AFG2A: variants seen among roughly 807,000 people sequenced by gnomAD.
AFG2A encodes ATPase family gene 2 protein homolog A.
chr4:123,169,621 G>A, the AFG2A span, among the ~76,000 whole-genome samples: 1 of 152,140 alleles, frequency 6.6e-6, no homozygotes, highest in South Asian at 2.1e-4. Context: ...TGGGATTACA[G>A]GCGTGTGCCA....
At chr4:123,063,487 C>T in the AFG2A span, among the ~76,000 whole-genome samples, 4 of 152,282 alleles carry the variant, frequency 2.6e-5, no homozygotes, top group Middle Eastern at 3.4e-3. Context: ...TGGCTCACAC[C>T]TGTAATCCCA....
At chr4:123,169,203 A>AT in the AFG2A span, among the ~76,000 whole-genome samples, 2 of 152,126 alleles carry the variant, frequency 1.3e-5, no homozygotes, top group Non-Finnish European at 1.5e-5. Context: ...ATAGTTTTCC[A>AT]TTTTTTTGCT....
At chr4:123,067,858 A>G in the AFG2A span, among the ~76,000 whole-genome samples, 30 of 152,286 alleles carry the variant, frequency 2.0e-4, no homozygotes, top group African/African-American at 7.2e-4. Flanking sequence ...CTCTGTTGCT[A>G]TAGTACAAAA....
At chr4:123,043,428 T>C in the AFG2A span, among the ~76,000 whole-genome samples, 1 of 152,142 alleles carries the variant, frequency 6.6e-6, no homozygotes, top group Non-Finnish European at 1.5e-5. Flanking sequence ...TCTTCCACTT[T>C]TTTTTCCTGA....
At chr4:123,114,525 T>C in the AFG2A span, among the ~76,000 whole-genome samples, 5 of 152,280 alleles carry the variant, frequency 3.3e-5, no homozygotes, top group African/African-American at 1.2e-4. Flanking sequence ...CAGTGCTGCC[T>C]GGAGCAGCAC....
At chr4:123,000,115 T>C in the AFG2A span, among the ~76,000 whole-genome samples, 89,726 of 145,132 alleles carry the variant, frequency 0.62, 27,891 homozygotes, top group Non-Finnish European at 0.64. Flanking sequence ...TGTCTGTTAT[T>C]GGTGTATAAG....
At chr4:123,233,279 GCACACACACA>G in the AFG2A span, among the ~76,000 whole-genome samples, 2 of 147,014 alleles carry the variant, frequency 1.4e-5, no homozygotes, top group Non-Finnish European at 3.0e-5. Context: ...ACACACACAC[GCACACACACA>G]CACACACACA....
chr4:123,018,891 T>C, the AFG2A span, among the ~76,000 whole-genome samples: 1 of 151,982 alleles, frequency 6.6e-6, no homozygotes, highest in Non-Finnish European at 1.5e-5. Context: ...TGTGAATTAT[T>C]ATCATAGCCA....
the AFG2A span, among the ~76,000 whole-genome samples, chr4:123,260,787 G>A: frequency 2.0e-5 from 3 of 152,188 alleles, no homozygotes; most frequent in Non-Finnish European, 4.4e-5. Context: ...TTGTTAGAAA[G>A]CAGCTAGCAG....
At chr4:123,296,666 G>A in the AFG2A span, among the ~76,000 whole-genome samples, 1 of 151,830 alleles carries the variant, frequency 6.6e-6, no homozygotes, top group African/African-American at 2.4e-5. Flanking sequence ...TTGGTCATGA[G>A]TTGGTCATTG....
the AFG2A span, among the ~76,000 whole-genome samples, chr4:123,065,815 G>GA: frequency 4.0e-5 from 6 of 151,682 alleles, no homozygotes; most frequent in Admixed American, 3.3e-4. Flanking sequence ...TTTAAAATAT[G>GA]AAAAAAAATT....
the AFG2A span, among the ~76,000 whole-genome samples, chr4:122,942,900 G>T: frequency 6.6e-6 from 1 of 151,652 alleles, no homozygotes; most frequent in Non-Finnish European, 1.5e-5. Context: ...GTACCCAGTA[G>T]TCATTCAGGA....
the AFG2A span, among the ~76,000 whole-genome samples, chr4:123,007,355 C>T: frequency 6.6e-6 from 1 of 151,718 alleles, no homozygotes; most frequent in South Asian, 2.1e-4. Flanking sequence ...TTATTTGCTC[C>T]ATTCTTTTTA....
chr4:123,279,622 G>A, the AFG2A span, among the ~76,000 whole-genome samples: 2 of 152,110 alleles, frequency 1.3e-5, no homozygotes, highest in African/African-American at 4.8e-5. Flanking sequence ...TAGGGTCATT[G>A]TGAAGATTAA....
At chr4:123,268,825 A>C in the AFG2A span, among the ~76,000 whole-genome samples, 1 of 152,372 alleles carries the variant, frequency 6.6e-6, no homozygotes. Flanking sequence ...CGTTCAGCAC[A>C]TGAGAATAGT....
the AFG2A span, among the ~76,000 whole-genome samples, chr4:122,927,407 A>G: frequency 6.6e-6 from 1 of 152,158 alleles, no homozygotes; most frequent in Admixed American, 6.6e-5. Flanking sequence ...CACCCCATAA[A>G]ACATCTTCTT....
chr4:123,281,399 G>A, the AFG2A span, among the ~76,000 whole-genome samples: 7 of 152,108 alleles, frequency 4.6e-5, no homozygotes, highest in Admixed American at 3.3e-4. Flanking sequence ...GACATTTGGG[G>A]TATTAAACCT....
chr4:123,001,572 A>G, the AFG2A span, among the ~76,000 whole-genome samples: 1 of 151,596 alleles, frequency 6.6e-6, no homozygotes, highest in Non-Finnish European at 1.5e-5. Flanking sequence ...CCCAGTAGTC[A>G]TTCAGGAGCA....
At chr4:123,012,810 AAAATTGGTGAGATGTTCCTTGGG>A in the AFG2A span, among the ~76,000 whole-genome samples, 4 of 152,316 alleles carry the variant, frequency 2.6e-5, no homozygotes, top group South Asian at 6.2e-4. Flanking sequence ...TACCGACTTT[AAAATTGGTGAGATGTTCCTTGGG>A]CTGGTTAGTC....
Sources: allele counts gnomAD v4.1 joint callset (sites outside exome capture counted in the v4.1 genomes callset), GRCh38; gene constraint gnomAD v4.1.1; transcripts MANE v1.5; gene names NCBI Gene and HGNC (gene_info 2026-07-23, HGNC 2026-07-21).